The following DAPK1 variants were observed in gnomAD, a reference collection of about 807,000 sequenced individuals.
The protein encoded by DAPK1 is death associated protein kinase 1.
Under a neutral mutation model 144.9 loss-of-function variants are expected in DAPK1, and 56 were observed. The ratio of observed to expected loss-of-function variants is 0.39; its 90% CI spans 0.31 to 0.48. DAPK1 has a LOEUF of 0.48. Ranked by LOEUF, DAPK1 falls within the 20% of genes least tolerant of loss-of-function variation. DAPK1 has a pLI of 0.95. For synonymous variants in DAPK1, 690 were observed against 749.0 expected, an observed-to-expected ratio of 0.92 and a Z score of 1.29; for missense variants, 1,454 against 1,875.4, an observed-to-expected ratio of 0.78 and a Z score of 4.15.
rs746886297 is a variant in DAPK1 at position 87,638,116 on chromosome 9, T to C, written c.423+35T>C. On this transcript the variant is annotated intron_variant, in intron 4 of 25. Transcript: ENST00000408954. Reference sequence around the variant, plus strand: ...AAAGTGTAAGCCAGATAGAAGCTTGTGCAGATCACAGCCTTGGTTGTTTCT... The same window carrying C: ...AAAGTGTAAGCCAGATAGAAGCTTGCGCAGATCACAGCCTTGGTTGTTTCT... The C allele has an allele frequency of 3.8e-6, 6 of 1,578,508 alleles. No homozygotes were observed. In the South Asian group the frequency reaches 6.9e-5, roughly 18 times the overall value.
chr9:87,701,922 G>A (rs1251692031), intron 24 of DAPK1: 2 of 466,420 alleles, frequency 4.3e-6, no homozygotes, highest in East Asian at 7.0e-5. Flanking sequence ...TGAGGCCTGG[G>A]AGGAATCTGT....
rs36218776 is a variant in DAPK1 at position 87,698,382 on chromosome 9, T to C, written c.2612-274T>C. ...CCCTCTCCTTGTAAGTAGGGGCTAT[T>C]TGGAGACTTGAGAAACTGCCTTTAG... On this transcript the variant is annotated intron_variant, in intron 22 of 25. Coordinates refer to ENST00000408954, the MANE Select transcript of DAPK1 (RefSeq NM_004938.4). 1,553 of 333,684 alleles carry C rather than the reference T, an allele frequency of 4.7e-3. 18 individuals carry two copies. The highest frequency in any genetic ancestry group is 0.03 in the African/African-American group (1,445 of 47,702). 20.7% of individuals were successfully genotyped at this position (333,684 alleles called of 1,614,324 possible).
chr9:87,605,086 C>T lies in DAPK1; in HGVS notation c.195C>T (p.Val65=). 1 of 1,614,168 alleles carries T rather than the reference C, an allele frequency of 6.2e-7. No individual in the cohort carries two copies. The highest frequency in any genetic ancestry group is 8.5e-7 in the Non-Finnish European group (1 of 1,180,042). ...GVSREDIERE[V]SILKEIQHPN... is the part of the protein sequence containing the mutation. ...GCCGCGAGGACATCGAGCGGGAGGTCAGCATCCTGAAGGAGATCCAGCACC... is the reference window on the plus strand; with the variant it reads ...GCCGCGAGGACATCGAGCGGGAGGTTAGCATCCTGAAGGAGATCCAGCACC... The change falls in exon 3 of 26, where the codon GTC becomes GTT. Residue 65 remains valine, a synonymous_variant. Transcript: ENST00000408954.
At chr9:87,498,251 G>C (rs1336747550) in intron 1 of DAPK1, 144 bp downstream of exon 1, 3 of 395,322 alleles carry the variant, frequency 7.6e-6, no homozygotes, top group Admixed American at 4.4e-5. Context: ...GCTTCGGGGA[G>C]AAGTGCGATC....
chr9:87,659,354 C>A (rs1245632792), intron 18 of DAPK1, among the ~76,000 whole-genome samples: 1 of 152,198 alleles, frequency 6.6e-6, no homozygotes, highest in Non-Finnish European at 1.5e-5. Flanking sequence ...CATCACCCTG[C>A]TGTGCCTGAC....
chr9:87,594,870 G>A (rs998498157), intron 2 of DAPK1, among the ~76,000 whole-genome samples: 10 of 152,176 alleles, frequency 6.6e-5, no homozygotes, highest in African/African-American at 2.4e-4. Flanking sequence ...GGAGGTGGGT[G>A]GCCTCCTCTC....
At chr9:87,519,053 A>G (rs568008676) in intron 2 of DAPK1, among the ~76,000 whole-genome samples, 1 of 152,334 alleles carries the variant, frequency 6.6e-6, no homozygotes, top group Admixed American at 6.5e-5. Flanking sequence ...TCGGACTGAT[A>G]GGAGGAAGAG....
rs1367099492 is a variant in DAPK1 at position 87,706,259 on chromosome 9, G to A, written c.3188G>A (p.Arg1063His). The change falls in exon 26 of 26, where the codon CGC becomes CAC. Residue 1063 changes from arginine (R) to histidine (H), a missense_variant. By Grantham distance (29) the Arg-to-His change is conservative (BLOSUM62 0). Around this residue, in one of 2 missense-constraint regions of DAPK1, gnomAD observed 1,025 missense variants for 1,237.9 expected, o/e 0.83. Coordinates refer to ENST00000408954, the MANE Select transcript of DAPK1 (RefSeq NM_004938.4). The surrounding 1 kb of genome is among the most constrained non-coding windows in gnomAD (Gnocchi z 9.0). ...CGGGCGCTGCACCACTACCGGGGCC[G>A]CTACACCGTGGAGGACATCCAGCGC... ...TPRALHHYRG[R>H]YTVEDIQRLV... is the part of the protein sequence containing the mutation. 23 of 1,613,440 alleles carry A rather than the reference G, an allele frequency of 1.4e-5. No homozygotes were observed. The highest frequency in any genetic ancestry group is 2.2e-5 in the East Asian group (1 of 44,876).
intron 2 of DAPK1, among the ~76,000 whole-genome samples, chr9:87,529,236 G>A (rs1049304741): frequency 1.1e-4 from 16 of 152,104 alleles, no homozygotes; most frequent in African/African-American, 3.1e-4. Flanking sequence ...CTGCTCTAGC[G>A]CTTTTCAATA....
chr9:87,569,744 A>G (rs1455715619), intron 2 of DAPK1, among the ~76,000 whole-genome samples: 2 of 152,180 alleles, frequency 1.3e-5, no homozygotes, highest in Non-Finnish European at 2.9e-5. Context: ...CTTCCAGTCC[A>G]TTAATCTTGT....
intron 2 of DAPK1, among the ~76,000 whole-genome samples, chr9:87,604,179 G>A (rs1414429607): frequency 6.6e-6 from 1 of 152,052 alleles, no homozygotes; most frequent in African/African-American, 2.4e-5. Flanking sequence ...TGAGGGGGGG[G>A]TTCTGTCACA....
At chr9:87,577,636 A>G (rs1322038845) in intron 2 of DAPK1, among the ~76,000 whole-genome samples, 2 of 152,118 alleles carry the variant, frequency 1.3e-5, no homozygotes, top group African/African-American at 4.8e-5. Context: ...CGTCTCTACT[A>G]AAAATACAAA....
intron 2 of DAPK1, among the ~76,000 whole-genome samples, chr9:87,524,361 C>T (rs891631271): frequency 2.0e-4 from 30 of 152,224 alleles, no homozygotes; most frequent in Non-Finnish European, 3.5e-4. Context: ...GACCCCCTCA[C>T]CCTCAGGGCC....
chr9:87,688,678 T>G (rs548051561), intron 21 of DAPK1, among the ~76,000 whole-genome samples: 1 of 152,352 alleles, frequency 6.6e-6, no homozygotes, highest in African/African-American at 2.4e-5. Context: ...ATTTCTCTGA[T>G]GATTAGTGAT....
Position 87,640,861 on chromosome 9 carries a change from T to A in DAPK1, c.828+14T>A. 1 of 1,613,280 alleles carries A rather than the reference T, an allele frequency of 6.2e-7. No homozygotes were observed. Among genetic ancestry groups the A allele is most frequent in the Non-Finnish European group, 8.5e-7 (1 of 1,179,170 alleles). On this transcript the variant is annotated intron_variant, in intron 9 of 25. Coordinates refer to ENST00000408954, the MANE Select transcript of DAPK1 (RefSeq NM_004938.4). ...CCCTGGATCAAGGTGAGTTGCATAT[T>A]ACGAAACTGTTTAGATCACTTTCTA...
At chr9:87,684,048 C>A (rs2117879006) in intron 20 of DAPK1, among the ~76,000 whole-genome samples, 1 of 152,340 alleles carries the variant, frequency 6.6e-6, no homozygotes, top group South Asian at 2.1e-4. Context: ...ATGCCCCCAT[C>A]CCTGGACTGG....
chr9:87,596,247 G>T (rs1828312761), intron 2 of DAPK1, among the ~76,000 whole-genome samples: 1 of 152,194 alleles, frequency 6.6e-6, no homozygotes, highest in East Asian at 1.9e-4. Flanking sequence ...CACGCATTCT[G>T]CTAAAGGTGA....
chr9:87,703,866 C>T (rs1006050892), intron 25 of DAPK1, among the ~76,000 whole-genome samples: 4 of 152,196 alleles, frequency 2.6e-5, no homozygotes, highest in Non-Finnish European at 4.4e-5. Flanking sequence ...GTCCCAGGAA[C>T]GGGGGCAGTG....
At chr9:87,696,032 T>C (rs1366902252) in intron 21 of DAPK1, among the ~76,000 whole-genome samples, 1 of 152,190 alleles carries the variant, frequency 6.6e-6, no homozygotes, top group Non-Finnish European at 1.5e-5. Context: ...AACCGTGTCA[T>C]TATTATTATG....
Sources: gnomAD v4.1 joint callset for allele counts (sites outside exome capture counted in the v4.1 genomes callset) on GRCh38, gnomAD v4.1.1 for gene constraint, gnomAD v4.1.1 regional missense constraint, Gnocchi (gnomAD v3.1) non-coding constraint, MANE v1.5 for transcripts, NCBI Gene and HGNC (gene_info 2026-07-23, HGNC 2026-07-21) for gene names.